PTPRT: variants seen among roughly 807,000 people sequenced by gnomAD.
The protein encoded by PTPRT is receptor-type tyrosine-protein phosphatase T.
PTPRT carries 56 observed loss-of-function variants against 176.8 expected under a neutral mutation model. The ratio of observed to expected loss-of-function variants is 0.32; its 90% CI spans 0.26 to 0.40. The LOEUF (loss-of-function observed/expected upper bound fraction) is 0.40, where lower values mean the gene tolerates loss of function less well. PTPRT is among the 10% of genes least tolerant of loss of function. PTPRT has a pLI of 1.00. For synonymous variants in PTPRT, 783 were observed against 739.0 expected, an observed-to-expected ratio of 1.06 and a Z score of -0.96; for missense variants, 1,540 against 1,908.2, an observed-to-expected ratio of 0.81 and a Z score of 3.60.
chr20:42,730,238 T>C (rs368480285), intron 6 of PTPRT, among the ~76,000 whole-genome samples: 2 of 152,312 alleles, frequency 1.3e-5, no homozygotes, highest in East Asian at 3.9e-4. Context: ...GAGGGTGCTC[T>C]GATAGATGGT....
chr20:42,554,395 C>A (rs2072824583), intron 7 of PTPRT, among the ~76,000 whole-genome samples: 1 of 152,086 alleles, frequency 6.6e-6, no homozygotes, highest in Admixed American at 6.5e-5. Flanking sequence ...TAGCTAAATG[C>A]TGGCTGCATC....
chr20:42,767,246 G>T (rs895915718), intron 5 of PTPRT, among the ~76,000 whole-genome samples: 2 of 152,066 alleles, frequency 1.3e-5, no homozygotes, highest in African/African-American at 4.8e-5. Context: ...TGTCTGTGAG[G>T]GTGTCTGGAT....
chr20:42,849,795 G>A (rs2078438150), intron 2 of PTPRT, among the ~76,000 whole-genome samples: 1 of 152,180 alleles, frequency 6.6e-6, no homozygotes, highest in African/African-American at 2.4e-5. Flanking sequence ...CCAACACACA[G>A]TAAGTCCTCA....
chr20:42,572,570 T>TA (rs1243632887), intron 7 of PTPRT, among the ~76,000 whole-genome samples: 6 of 152,200 alleles, frequency 3.9e-5, no homozygotes, highest in Admixed American at 3.9e-4. Flanking sequence ...CGAGCCCATA[T>TA]AAAATGCACC....
chr20:43,116,395 C>G (rs2146350739), intron 1 of PTPRT, among the ~76,000 whole-genome samples: 1 of 152,298 alleles, frequency 6.6e-6, no homozygotes, highest in Non-Finnish European at 1.5e-5. Flanking sequence ...TTGCCTTAGA[C>G]AGTGTTCACC....
chr20:42,494,320 A>T (rs1437067767), intron 7 of PTPRT, among the ~76,000 whole-genome samples: 1 of 152,140 alleles, frequency 6.6e-6, no homozygotes, highest in Non-Finnish European at 1.5e-5. Context: ...TCTCATTGCA[A>T]ATGTTATAAG....
intron 7 of PTPRT, among the ~76,000 whole-genome samples, chr20:42,486,629 G>A (rs529413113): frequency 1.3e-5 from 2 of 152,082 alleles, no homozygotes; most frequent in African/African-American, 4.8e-5. Flanking sequence ...CCAAAGCCAC[G>A]GGTTTACAGC....
chr20:42,247,129 C>A (rs1048478290), intron 14 of PTPRT, among the ~76,000 whole-genome samples: 7 of 152,196 alleles, frequency 4.6e-5, no homozygotes, highest in African/African-American at 1.7e-4. Context: ...GTTTCTCCAA[C>A]CAGAAAATCA....
chr20:42,710,702 C>G (rs1160498015), intron 6 of PTPRT, among the ~76,000 whole-genome samples: 1 of 152,256 alleles, frequency 6.6e-6, no homozygotes, highest in African/African-American at 2.4e-5. Flanking sequence ...AGATTCCCCA[C>G]CAGGGTACTG....
chr20:43,081,452 T>C (rs981789954), intron 1 of PTPRT, among the ~76,000 whole-genome samples: 4 of 152,250 alleles, frequency 2.6e-5, no homozygotes, highest in South Asian at 4.1e-4. Context: ...AAATCTCTTA[T>C]GATATCTAAA....
At chr20:42,885,668 G>T in intron 2 of PTPRT, 139 bp downstream of exon 2, 1 of 1,072,050 alleles carries the variant, frequency 9.3e-7, no homozygotes, top group African/African-American at 1.6e-5. Flanking sequence ...GACCACCTCT[G>T]AGTGTGGGGA....
intron 13 of PTPRT, among the ~76,000 whole-genome samples, chr20:42,252,011 T>C (rs2056558356): frequency 1.3e-5 from 2 of 151,928 alleles, no homozygotes; most frequent in Non-Finnish European, 2.9e-5. Flanking sequence ...CAGATGGGAG[T>C]TGATAGTTGC....
At chr20:42,704,944 A>T in intron 6 of PTPRT, among the ~76,000 whole-genome samples, 1 of 152,100 alleles carries the variant, frequency 6.6e-6, no homozygotes, top group African/African-American at 2.4e-5. Flanking sequence ...GGTGGCTCAT[A>T]CCTGTAATCC....
At chr20:42,385,439 G>T (rs1600932118) in intron 9 of PTPRT, among the ~76,000 whole-genome samples, 1 of 152,270 alleles carries the variant, frequency 6.6e-6, no homozygotes. Context: ...AATGGTGGTT[G>T]CTAGGTGCTG....
intron 1 of PTPRT, among the ~76,000 whole-genome samples, chr20:43,142,077 C>T (rs117628147): frequency 0.011 from 1,670 of 152,328 alleles, 16 homozygotes; most frequent in Middle Eastern, 0.02. Flanking sequence ...CCTCATTTGC[C>T]AGCAGGAACA....
intron 15 of PTPRT, among the ~76,000 whole-genome samples, chr20:42,220,053 T>TATC (rs2055851673): frequency 7.6e-6 from 1 of 131,618 alleles, no homozygotes; most frequent in African/African-American, 2.6e-5. Flanking sequence ...ATATATATAT[T>TATC]TTTCAACATA....
rs578239620 is a variant in PTPRT, at chr20:42,141,169, C to T, written c.2770+746G>A. Among the ~76,000 whole-genome samples, 8 of 152,248 alleles carry T rather than the reference C, an allele frequency of 5.3e-5. No homozygotes were observed. In the South Asian group the frequency reaches 1.5e-3, roughly 28 times the overall value. On this transcript the variant is annotated intron_variant, in intron 18 of 30. Coordinates refer to ENST00000373187, the MANE Select transcript of PTPRT (RefSeq NM_007050.6). ...CTTCCCCTGCAGGCTCAGTACCTCC[C>T]GAGGTGCACTGATGCAGACCTGAGG...
At position 43,060,988 on chromosome 20, in the gene PTPRT, C is replaced by T. The variant is rs561307148; in HGVS notation, c.88+128658G>A. 2.6e-5 allele frequency among the ~76,000 whole-genome samples: 4 copies of T among 151,930 alleles called. No homozygotes were observed. The South Asian group carries it at 8.3e-4, about 32-fold the overall frequency. On this transcript the variant is annotated intron_variant, in intron 1 of 30. Transcript: ENST00000373187. ...ACTTTACAGTATTTAAATTATACCT[C>T]AATAAAAAATTTAAAATAGATAGCT...
chr20:42,725,712 G>C (rs2076369008), intron 6 of PTPRT, among the ~76,000 whole-genome samples: 1 of 152,094 alleles, frequency 6.6e-6, no homozygotes, highest in African/African-American at 2.4e-5. Context: ...CTTTTACACT[G>C]TTGGTGGGAA....
Sources: gnomAD v4.1 joint callset for allele counts (sites outside exome capture counted in the v4.1 genomes callset) on GRCh38, gnomAD v4.1.1 for gene constraint, MANE v1.5 for transcripts, NCBI Gene and HGNC (gene_info 2026-07-23, HGNC 2026-07-21) for gene names.